The following CLCN1 variants were observed in gnomAD, a reference collection of about 807,000 sequenced individuals.
CLCN1 encodes the protein chloride voltage-gated channel 1.
A neutral mutation model predicts 114.5 loss-of-function variants in CLCN1; 100 were observed. The observed-to-expected ratio is 0.87, with a 90% CI of 0.74 to 1.03. The LOEUF is 1.03. Ranked by LOEUF, CLCN1 falls within the 50% of genes least tolerant of loss-of-function variation. The probability of loss-of-function intolerance (pLI) is 0.00; values close to 1 mark genes in which losing one functional copy is unlikely to be tolerated. For synonymous variants in CLCN1, 485 were observed against 487.1 expected, an observed-to-expected ratio of 1.00 and a Z score of 0.06; for missense variants, 1,188 against 1,250.0, an observed-to-expected ratio of 0.95 and a Z score of 0.75.
rs1803089270 is a variant in CLCN1 at position 143,341,974 on chromosome 7, C to T, written c.1628C>T (p.Ala543Val). 6.2e-7 allele frequency: 1 copy of T among 1,614,154 alleles called. No individual in the cohort carries two copies. The highest frequency in any genetic ancestry group is 1.3e-5 in the African/African-American group (1 of 75,048). ...TGAVSHTVST[A>V]VICFELTGQI... ...GCCGTTTCCCACACAGTCTCCACAG[C>T]TGTGATTTGCTTCGAATTAACGGGT... The change falls in exon 15 of 23, where the codon GCT (alanine) becomes GTT (valine). Residue 543 changes from alanine to valine, a missense_variant. By Grantham distance (64) the Ala-to-Val change is moderately conservative. Coordinates refer to ENST00000343257, the MANE Select transcript of CLCN1 (RefSeq NM_000083.3).
At chr7:143,323,508 C>A in intron 6 of CLCN1, 122 bp downstream of exon 6, 1 of 765,652 alleles carries the variant, frequency 1.3e-6, no homozygotes, top group Non-Finnish European at 2.4e-6. Flanking sequence ...CAGCATCGCA[C>A]TAATCCACGC....
At chr7:143,345,466 G>C (rs1333303988) in intron 16 of CLCN1, 55 bp from the exon 17 acceptor site, 2 of 1,482,930 alleles carry the variant, frequency 1.3e-6, no homozygotes, top group Non-Finnish European at 1.8e-6. Context: ...TGCGGAGCGC[G>C]GTGGTGCGAG....
Position 143,350,506 on chromosome 7 carries a change from T to TG in CLCN1, c.2508+34dup, listed in dbSNP as rs5888096. On this transcript the variant is annotated intron_variant, in intron 21 of 22. Transcript: ENST00000343257. This position sits in a 1 kb window ranked among gnomAD's most constrained non-coding sequence, Gnocchi z 5.1. ...GTCTTTTGCTGACTGCTCAGGGCTGTGGGGAAGGCAGGAGAGCTGTGGGGC... is the reference window on the plus strand; with the variant it reads ...GTCTTTTGCTGACTGCTCAGGGCTGTGGGGGAAGGCAGGAGAGCTGTGGGGC... The TG allele has an allele frequency of 0.016, 25,206 of 1,610,308 alleles. 227 individuals are homozygous for TG. The highest frequency in any genetic ancestry group is 0.019 in the Non-Finnish European group (21,895 of 1,176,644).
chr7:143,330,484 A>G (rs929869140), intron 7 of CLCN1, among the ~76,000 whole-genome samples: 1 of 152,116 alleles, frequency 6.6e-6, no homozygotes, highest in Non-Finnish European at 1.5e-5. Flanking sequence ...ATTCTAAGGG[A>G]TGCAGAGGGC....
chr7:143,345,500 C>T, intron 16 of CLCN1, 21 bp from the exon 17 acceptor site: 1 of 1,521,168 alleles, frequency 6.6e-7, no homozygotes, highest in South Asian at 1.2e-5. Context: ...GGCGCTCAGG[C>T]AGGGCGTGGG....
intron 16 of CLCN1, among the ~76,000 whole-genome samples, chr7:143,344,517 C>G (rs73172430): frequency 0.017 from 2,611 of 152,288 alleles, 42 homozygotes; most frequent in African/African-American, 0.031. Context: ...ATCTCATATA[C>G]ATTCCACGTT....
chr7:143,341,255 G>T lies in CLCN1; in HGVS notation c.1583-674G>T, dbSNP rs1803066697. Reference sequence around the variant, plus strand: ...TAAAAAAAAAAAATGTTATAACTGAGTTGTAAAATGCTCAGTGAAGAGGCC... The same window carrying T: ...TAAAAAAAAAAAATGTTATAACTGATTTGTAAAATGCTCAGTGAAGAGGCC... On this transcript the variant is annotated intron_variant, in intron 14 of 22. Transcript: ENST00000343257. 3.3e-5 allele frequency among the ~76,000 whole-genome samples: 5 copies of T among 152,072 alleles called. 1 individual carries two copies. The South Asian group carries it at 1.0e-3, about 32-fold the overall frequency.
intron 16 of CLCN1, among the ~76,000 whole-genome samples, chr7:143,344,078 G>A (rs527481949): frequency 6.6e-5 from 10 of 152,322 alleles, no homozygotes; most frequent in East Asian, 1.9e-4. Flanking sequence ...GACCTCAGGC[G>A]ATCCACCAGC....
At position 143,324,627 on chromosome 7, in the gene CLCN1, T is replaced by C. The variant is rs1328939339; in HGVS notation, c.853+135T>C. The C allele has an allele frequency of 6.8e-6, 5 of 736,266 alleles. No homozygotes were observed. Among genetic ancestry groups the C allele is most frequent in the Non-Finnish European group, 1.2e-5 (5 of 403,154 alleles). 45.6% of individuals were successfully genotyped at this position (736,266 alleles called of 1,614,324 possible). A position where few individuals can be genotyped will look rare whatever the true frequency, so the allele number is the denominator to read the frequency against. On this transcript the variant is annotated intron_variant, in intron 7 of 22. Coordinates refer to ENST00000343257, the MANE Select transcript of CLCN1 (RefSeq NM_000083.3). The surrounding 1 kb of genome is among the most constrained non-coding windows in gnomAD (Gnocchi z 4.6). ...GCTGACTTTTAGTAAGCCTTTGCTA[T>C]GTGCCAGGCAATGTTTAAAGCACTT...
rs776173406 is a variant in CLCN1 at position 143,323,318 on chromosome 7, G to A, written c.706G>A (p.Val236Ile). 67 of 1,612,354 alleles carry A rather than the reference G, an allele frequency of 4.2e-5. No individual in the cohort carries two copies. Among genetic ancestry groups the A allele is most frequent in the Non-Finnish European group, 5.3e-5 (62 of 1,178,728 alleles). Reference sequence around the variant, plus strand: ...GCTCCCCCTCTCCCAGGGCCCCTTCGTCCACATTGCCAGCATCTGTGCTGC... The same window carrying A: ...GCTCCCCCTCTCCCAGGGCCCCTTCATCCACATTGCCAGCATCTGTGCTGC... The part of the protein sequence containing the change: ...GIPVGKEGPF[V>I]HIASICAAVL... The change falls in exon 6 of 23, where the codon GTC becomes ATC. Residue 236 changes from valine to isoleucine, a missense_variant. Coordinates refer to ENST00000343257, the MANE Select transcript of CLCN1 (RefSeq NM_000083.3).
At position 143,342,076 on chromosome 7, in the gene CLCN1, TC is replaced by T; in HGVS notation, c.1731del (p.Tyr578MetfsTer36). ...GTGGCCCAGAGCCTGCAGCCCTCTC[TC>T]TATGACAGCATCATCCAGGTCAAGA... is the stretch of plus-strand genomic sequence containing the variant. ...NMVAQSLQPS[L>X]YDSIIQVKKL... On this transcript the variant is annotated frameshift_variant, in exon 15 of 23. Coordinates refer to ENST00000343257, the MANE Select transcript of CLCN1 (RefSeq NM_000083.3). LOFTEE classifies it high-confidence loss of function. 6.2e-7 allele frequency: 1 copy of T among 1,614,180 alleles called. No individual in the cohort carries two copies. The highest frequency in any genetic ancestry group is 2.2e-5 in the East Asian group (1 of 44,880).
intron 12 of CLCN1, among the ~76,000 whole-genome samples, chr7:143,336,638 A>G (rs1460004695): frequency 1.8e-5 from 2 of 113,098 alleles, no homozygotes; most frequent in Non-Finnish European, 3.5e-5. Flanking sequence ...AGAAGAAGAA[A>G]AAAAAAGGAA....
Position 143,351,760 on chromosome 7 carries a change from ATG to A in CLCN1, c.2765_2766del (p.Val922AspfsTer61), listed in dbSNP as rs1563091175. On this transcript the variant is annotated frameshift_variant, in exon 23 of 23. Transcript: ENST00000343257. LOFTEE classifies it high-confidence loss of function. ...AGGCCTGGGGCCACTGGAACAGGGG[ATG>A]TGATTGCTGCCTCCCCAGAGACCCC... The A allele has an allele frequency of 6.2e-7, 1 of 1,614,058 alleles. No individual in the cohort carries two copies. Among genetic ancestry groups the A allele is most frequent in the Non-Finnish European group, 8.5e-7 (1 of 1,180,004 alleles).
rs1802495428 is a variant in CLCN1 at position 143,323,383 on chromosome 7, T to C, written c.771T>C (p.Tyr257=). 6 of 1,609,198 alleles carry C rather than the reference T, an allele frequency of 3.7e-6. No homozygotes were observed. Among genetic ancestry groups the C allele is most frequent in the Non-Finnish European group, 4.3e-6 (5 of 1,175,652 alleles). The change falls in exon 6 of 23, where the codon TAT becomes TAC. Residue 257 remains tyrosine (Y), a synonymous_variant. Coordinates refer to ENST00000343257, the MANE Select transcript of CLCN1 (RefSeq NM_000083.3). ...SKFMSVFCGV[Y]EQPYYYSDIL... Reference sequence around the variant, plus strand: ...TCATGTCTGTGTTCTGCGGGGTATATGAGGTAAGGTTGAGACAGTGAAATG... The same window carrying C: ...TCATGTCTGTGTTCTGCGGGGTATACGAGGTAAGGTTGAGACAGTGAAATG...
chr7:143,319,711 T>C lies in CLCN1; in HGVS notation c.181-44T>C, dbSNP rs201291713. On this transcript the variant is annotated intron_variant, in intron 1 of 22. Transcript: ENST00000343257. ...TGCTGGCCTCTGTCTATTATTTTTT[T>C]AGTCTTCCACAAGGCAGACACTGAT... 5.5e-4 allele frequency: 882 copies of C among 1,605,822 alleles called. 1 individual carries two copies. The highest frequency in any genetic ancestry group is 9.9e-4 in the Middle Eastern group (6 of 6,050).
At chr7:143,343,705 C>CCTTTCTTTCTTT (rs113028192) in intron 16 of CLCN1, among the ~76,000 whole-genome samples, 11 of 151,336 alleles carry the variant, frequency 7.3e-5, no homozygotes, top group African/African-American at 1.9e-4. Context: ...TTTCTTCCTT[C>CCTTTCTTTCTTT]CTTTCTTTCT....
chr7:143,345,449 T>C, intron 16 of CLCN1, 72 bp from the exon 17 acceptor site: 1 of 1,462,500 alleles, frequency 6.8e-7, no homozygotes, highest in South Asian at 1.4e-5. Context: ...CTGTTCCTTC[T>C]CAGGAGTGCG....
At position 143,321,258 on chromosome 7, in the gene CLCN1, G is replaced by C. The variant is rs796709492; in HGVS notation, c.434-107G>C. The C allele has an allele frequency of 1.1e-5, 15 of 1,320,998 alleles. No individual in the cohort carries two copies. Among genetic ancestry groups the C allele is most frequent in the Non-Finnish European group, 1.6e-5 (15 of 938,812 alleles). The allele number at this position is 1,320,998 out of a possible 1,614,324, so 81.8% of individuals were successfully genotyped here. On this transcript the variant is annotated intron_variant, in intron 3 of 22. Transcript: ENST00000343257. This position sits in a 1 kb window ranked among gnomAD's most constrained non-coding sequence, Gnocchi z 4.2. ...TGAGAGCAGCACCATCTCAGAAGGG[G>C]CACACAGAAGGAGCACGGCCTGAGA... is the stretch of plus-strand genomic sequence containing the variant.
intron 2 of CLCN1, among the ~76,000 whole-genome samples, chr7:143,320,382 A>C (rs1011025382): frequency 6.6e-6 from 1 of 152,126 alleles, no homozygotes; most frequent in Non-Finnish European, 1.5e-5. Context: ...AAGGAATTCA[A>C]GTATTCATGG....
Sources: allele counts gnomAD v4.1 joint callset (sites outside exome capture counted in the v4.1 genomes callset), GRCh38; gene constraint gnomAD v4.1.1; non-coding constraint Gnocchi (gnomAD v3.1); transcripts MANE v1.5; gene names NCBI Gene and HGNC (gene_info 2026-07-23, HGNC 2026-07-21).